Variants in PHF5A observed in about 807,000 individuals in gnomAD.
The protein encoded by PHF5A is PHD finger protein 5A, also known as PHD finger-like domain-containing protein 5A.
For synonymous variants in PHF5A, 52 were observed against 46.0 expected (o/e 1.13, Z -0.52); for missense variants, 24 against 140.6 (o/e 0.17, Z 4.19).
At chr22:41,462,498 T>A (rs1031132318) in intron 3 of PHF5A, among the ~76,000 whole-genome samples, 1 of 152,186 alleles carries the variant, frequency 6.6e-6, no homozygotes, top group African/African-American at 2.4e-5. Flanking sequence ...GGAAGCCGCC[T>A]ACCAATAGCT....
intron 3 of PHF5A, among the ~76,000 whole-genome samples, chr22:41,464,711 C>G (rs1414834660): frequency 6.6e-6 from 1 of 152,198 alleles, no homozygotes; most frequent in Non-Finnish European, 1.5e-5. Context: ...TGCAAAAATT[C>G]AAGAAAATGC....
Position 41,466,802 on chromosome 22 carries a change from G to A in PHF5A, c.243+646C>T, listed in dbSNP as rs539001820. On this transcript the variant is annotated intron_variant, in intron 3 of 3. Coordinates refer to ENST00000216252, the MANE Select transcript of PHF5A (RefSeq NM_032758.4). ...GCCCAGGAGTTCGAGACCAACCTAGGTAACAAAACAAGACCCTGTCTCTAC... is the reference window on the plus strand; with the variant it reads ...GCCCAGGAGTTCGAGACCAACCTAGATAACAAAACAAGACCCTGTCTCTAC... 3.3e-5 allele frequency among the ~76,000 whole-genome samples: 5 copies of A among 152,166 alleles called. No individual in the cohort carries two copies. The East Asian group carries it at 9.7e-4, about 29-fold the overall frequency.
chr22:41,468,188 G>T, intron 1 of PHF5A, 41 bp from the exon 2 acceptor site: 1 of 1,610,166 alleles, frequency 6.2e-7, no homozygotes, highest in South Asian at 1.1e-5. Context: ...TTAGAATAAA[G>T]GTTTTGAGAA....
intron 3 of PHF5A, among the ~76,000 whole-genome samples, chr22:41,465,048 T>C (rs1046599370): frequency 6.6e-6 from 1 of 152,238 alleles, no homozygotes; most frequent in African/African-American, 2.4e-5. Flanking sequence ...GACAGCAGAA[T>C]GTGACTTGAT....
intron 3 of PHF5A, among the ~76,000 whole-genome samples, chr22:41,462,216 A>C (rs2037832449): frequency 6.6e-6 from 1 of 152,004 alleles, no homozygotes; most frequent in Non-Finnish European, 1.5e-5. Context: ...TGGGAGAAAA[A>C]CCGGGGAAGC....
intron 3 of PHF5A, among the ~76,000 whole-genome samples, chr22:41,462,564 G>A (rs1377328826): frequency 3.3e-5 from 5 of 152,158 alleles, no homozygotes; most frequent in Admixed American, 3.3e-4. Flanking sequence ...TCGTAAAAAT[G>A]AGGCACTAGC....
intron 3 of PHF5A, among the ~76,000 whole-genome samples, chr22:41,463,724 C>CAAAAAAAAA (rs11387908): frequency 1.7e-5 from 1 of 59,066 alleles, no homozygotes; most frequent in African/African-American, 7.4e-5. Flanking sequence ...GACTCTGTCT[C>CAAAAAAAAA]AAAAAAAAAA....
intron 3 of PHF5A, among the ~76,000 whole-genome samples, chr22:41,461,502 C>A (rs961929358): frequency 6.6e-6 from 1 of 151,334 alleles, no homozygotes; most frequent in Non-Finnish European, 1.5e-5. Flanking sequence ...ACTACAGGTA[C>A]ACGCCGCCAT....
chr22:41,468,266 G>C, intron 1 of PHF5A, 119 bp from the exon 2 acceptor site: 2 of 893,660 alleles, frequency 2.2e-6, no homozygotes, highest in Admixed American at 4.7e-5. Context: ...TGAGACCTGC[G>C]GATAGCCATT....
rs2037824137 is a variant in PHF5A, at chr22:41,461,116, T to C, written c.244-629A>G. Among the ~76,000 whole-genome samples, 3 of 152,072 alleles carry C rather than the reference T, an allele frequency of 2.0e-5. 1 individual carries two copies. The South Asian group carries it at 6.2e-4, about 32-fold the overall frequency. On this transcript the variant is annotated intron_variant, in intron 3 of 3. Transcript: ENST00000216252. ...TGAACCCAGGAGGCGGAGGTAGCAG[T>C]GAGCTGAGATCACGCCACAGCACTC...
chr22:41,466,636 G>A (rs562820197), intron 3 of PHF5A, among the ~76,000 whole-genome samples: 13 of 152,108 alleles, frequency 8.5e-5, no homozygotes, highest in Admixed American at 3.9e-4. Context: ...TGATCCATCC[G>A]CCTCAGTTTC....
chr22:41,468,100 G>A (rs1254751271), intron 2 of PHF5A, 24 bp downstream of exon 2: 1 of 1,613,470 alleles, frequency 6.2e-7, no homozygotes. Context: ...AGGGTGGGTT[G>A]TTGGGACGGT....
At chr22:41,467,094 G>A (rs997051936) in intron 3 of PHF5A, among the ~76,000 whole-genome samples, 1 of 151,118 alleles carries the variant, frequency 6.6e-6, no homozygotes, top group Non-Finnish European at 1.5e-5. Flanking sequence ...TTTAACTCCT[G>A]GACTAAAGTG....
At position 41,468,642 on chromosome 22, in the gene PHF5A, A is replaced by G. The variant is rs749510336; in HGVS notation, c.12T>C (p.His4=). 23 of 1,614,120 alleles carry G rather than the reference A, an allele frequency of 1.4e-5. No homozygotes were observed. The highest frequency in any genetic ancestry group is 1.8e-5 in the Non-Finnish European group (21 of 1,180,014). The change falls in exon 1 of 4, where the codon CAT becomes CAC. Residue 4 remains histidine, a synonymous_variant. Coordinates refer to ENST00000216252, the MANE Select transcript of PHF5A (RefSeq NM_032758.4). ...TGCGGCAAAAGATCAAATCAGGATG[A>G]TGTTTAGCCATAGCTCCTAACTAAG... MAK[H]HPDLIFCRKQ... is the part of the protein sequence containing the mutation.
intron 3 of PHF5A, among the ~76,000 whole-genome samples, chr22:41,464,488 G>A (rs1055807303): frequency 2.0e-5 from 3 of 152,212 alleles, no homozygotes; most frequent in African/African-American, 4.8e-5. Context: ...GAAAATGTGA[G>A]CTAGATTCCA....
intron 3 of PHF5A, among the ~76,000 whole-genome samples, chr22:41,465,916 A>G (rs1000007362): frequency 6.6e-6 from 1 of 152,014 alleles, no homozygotes; most frequent in African/African-American, 2.4e-5. Context: ...ATAAAAGGAC[A>G]ACATAGTGAA....
chr22:41,463,501 G>A (rs929678077), intron 3 of PHF5A, among the ~76,000 whole-genome samples: 9 of 151,778 alleles, frequency 5.9e-5, no homozygotes, highest in Non-Finnish European at 1.2e-4. Flanking sequence ...GCCAAGGTGG[G>A]TGGATCACAA....
rs747893786 is a variant in PHF5A at position 41,468,583 on chromosome 22, G to A, written c.52+19C>T. 2 of 1,613,740 alleles carry A rather than the reference G, an allele frequency of 1.2e-6. No homozygotes were observed. The highest frequency in any genetic ancestry group is 1.7e-6 in the Non-Finnish European group (2 of 1,179,828). On this transcript the variant is annotated intron_variant, in intron 1 of 3. Transcript: ENST00000216252. ...ATACCACCCCTGCCCAGACAGCCAG[G>A]GGTAGGGCGCAGTCTCACCAACACC...
chr22:41,463,280 A>T (rs536624338), intron 3 of PHF5A, among the ~76,000 whole-genome samples: 14 of 152,252 alleles, frequency 9.2e-5, no homozygotes, highest in Non-Finnish European at 1.6e-4. Context: ...TGAGAAAAAA[A>T]AAATAAAAGG....
Sources: allele counts gnomAD v4.1 joint callset (sites outside exome capture counted in the v4.1 genomes callset), GRCh38; gene constraint gnomAD v4.1.1; transcripts MANE v1.5; gene names NCBI Gene and HGNC (gene_info 2026-07-23, HGNC 2026-07-21).